The following ATF6 variants were observed in gnomAD, a reference collection of about 807,000 sequenced individuals.
ATF6 encodes activating transcription factor 6.
ATF6 carries 53 observed loss-of-function variants against 83.6 expected under a neutral mutation model. That is an observed-to-expected ratio of 0.63 (90% CI 0.51 to 0.80). The LOEUF is 0.80. Ranked by LOEUF, ATF6 falls within the 30% of genes least tolerant of loss-of-function variation. The pLI, the probability that ATF6 is intolerant of heterozygous loss-of-function variation, is 0.00. For synonymous variants in ATF6, 288 were observed against 285.8 expected (o/e 1.01, Z -0.08); for missense variants, 744 against 797.9 (o/e 0.93, Z 0.81).
Position 161,952,416 on chromosome 1 carries a change from C to T in ATF6, c.1805-6030C>T, listed in dbSNP as rs1457960057. On this transcript the variant is annotated intron_variant, in intron 15 of 15. Coordinates refer to ENST00000367942, the MANE Select transcript of ATF6 (RefSeq NM_007348.4). ...AACTGCAAGCTACTCTCCCATCCCA[C>T]CTCACCCCACACTCAATCCCTAATC... Among the ~76,000 whole-genome samples, 3 of 152,080 alleles carry T rather than the reference C, an allele frequency of 2.0e-5. No individual in the cohort carries two copies. The East Asian group carries it at 5.8e-4, about 29-fold the overall frequency.
chr1:161,880,328 A>ATGTGTGTG (rs138587790), intron 14 of ATF6, among the ~76,000 whole-genome samples: 1 of 147,920 alleles, frequency 6.8e-6, no homozygotes, highest in African/African-American at 2.5e-5. Context: ...TGTGATATGT[A>ATGTGTGTG]TGTGTGTGTG....
chr1:161,806,053 T>C (rs1685272598), intron 7 of ATF6, among the ~76,000 whole-genome samples: 1 of 152,224 alleles, frequency 6.6e-6, no homozygotes, highest in African/African-American at 2.4e-5. Flanking sequence ...GGTAAATCTG[T>C]TTTGTTTAAC....
chr1:161,846,006 G>A (rs574978384), intron 9 of ATF6, among the ~76,000 whole-genome samples: 118 of 152,014 alleles, frequency 7.8e-4, no homozygotes, highest in African/African-American at 2.8e-3. Flanking sequence ...AATTGTGAAA[G>A]GCTAACAATG....
chr1:161,890,631 C>T (rs936933234), intron 14 of ATF6, among the ~76,000 whole-genome samples: 22 of 152,346 alleles, frequency 1.4e-4, no homozygotes, highest in African/African-American at 4.8e-4. Flanking sequence ...GAACTAGATC[C>T]GGCTGGTTCT....
intron 4 of ATF6, among the ~76,000 whole-genome samples, chr1:161,790,170 G>C (rs1265821352): frequency 2.0e-5 from 3 of 151,970 alleles, no homozygotes; most frequent in African/African-American, 7.3e-5. Context: ...TTGTTAAATA[G>C]TTTACTTATT....
At chr1:161,894,380 C>T (rs950874756) in intron 14 of ATF6, among the ~76,000 whole-genome samples, 3 of 151,584 alleles carry the variant, frequency 2.0e-5, no homozygotes, top group African/African-American at 7.3e-5. Context: ...AGTGAAATGT[C>T]TTAAACCACA....
intron 12 of ATF6, among the ~76,000 whole-genome samples, chr1:161,854,822 A>G (rs560849392): frequency 6.6e-6 from 1 of 152,074 alleles, no homozygotes; most frequent in East Asian, 1.9e-4. Context: ...GAGTGAGCCG[A>G]GATCACGCAG....
intron 15 of ATF6, among the ~76,000 whole-genome samples, chr1:161,916,598 A>T (rs1186441793): frequency 2.6e-5 from 4 of 152,162 alleles, no homozygotes; most frequent in Non-Finnish European, 5.9e-5. Context: ...TTTCCCCCAA[A>T]ATATTCTTTA....
At chr1:161,855,262 G>T (rs999089749) in intron 12 of ATF6, among the ~76,000 whole-genome samples, 2 of 152,132 alleles carry the variant, frequency 1.3e-5, no homozygotes, top group African/African-American at 4.8e-5. Context: ...GTCCATACTG[G>T]TGTGGTAGTC....
intron 3 of ATF6, among the ~76,000 whole-genome samples, chr1:161,783,452 T>C (rs889194443): frequency 1.3e-5 from 2 of 152,208 alleles, no homozygotes; most frequent in Non-Finnish European, 2.9e-5. Context: ...AGTACATTTT[T>C]ATAGGATAAA....
chr1:161,829,530 A>T (rs141881399), intron 9 of ATF6, among the ~76,000 whole-genome samples: 5 of 152,318 alleles, frequency 3.3e-5, no homozygotes, highest in African/African-American at 9.6e-5. Flanking sequence ...AATATCCCTG[A>T]TGAACATCGA....
Position 161,831,244 on chromosome 1 carries a change from G to C in ATF6, c.1187+10083G>C, listed in dbSNP as rs144156667. Among the ~76,000 whole-genome samples, 423 of 152,326 alleles carry C rather than the reference G, an allele frequency of 2.8e-3. 3 individuals carry two copies. Among genetic ancestry groups the C allele is most frequent in the African/African-American group, 9.5e-3 (395 of 41,562 alleles). On this transcript the variant is annotated intron_variant, in intron 9 of 15. Coordinates refer to ENST00000367942, the MANE Select transcript of ATF6 (RefSeq NM_007348.4). ...GAAATGCAAATCAAAACCACAATGA[G>C]ATACCATCTCACACCAGTTAAAATG...
intron 12 of ATF6, among the ~76,000 whole-genome samples, chr1:161,857,206 C>T (rs776099767): frequency 1.5e-4 from 23 of 152,090 alleles, no homozygotes; most frequent in Non-Finnish European, 2.9e-4. Context: ...TTTTTTCTTC[C>T]GGTTACCTCT....
intron 7 of ATF6, among the ~76,000 whole-genome samples, chr1:161,809,297 G>A (rs953761999): frequency 1.3e-5 from 2 of 151,870 alleles, no homozygotes; most frequent in Non-Finnish European, 2.9e-5. Flanking sequence ...ATGTGTGTTC[G>A]GTTTTTTGTC....
intron 14 of ATF6, among the ~76,000 whole-genome samples, chr1:161,869,488 A>T (rs952758327): frequency 6.6e-6 from 1 of 151,916 alleles, no homozygotes; most frequent in African/African-American, 2.4e-5. Context: ...CCATTTTCTT[A>T]TCTCCACTTT....
chr1:161,886,678 G>A (rs768110491), intron 14 of ATF6, among the ~76,000 whole-genome samples: 2 of 152,104 alleles, frequency 1.3e-5, no homozygotes, highest in Non-Finnish European at 2.9e-5. Flanking sequence ...TAGTACATGC[G>A]GTCCATTGTT....
intron 15 of ATF6, among the ~76,000 whole-genome samples, chr1:161,953,939 A>G (rs1052380392): frequency 6.6e-6 from 1 of 152,200 alleles, no homozygotes. Flanking sequence ...GTTATAAGGG[A>G]AAAGATCAAT....
intron 15 of ATF6, among the ~76,000 whole-genome samples, chr1:161,924,083 T>C (rs1033350957): frequency 1.3e-5 from 2 of 152,224 alleles, no homozygotes; most frequent in African/African-American, 4.8e-5. Flanking sequence ...TGTCAGAAGA[T>C]GAGCCACTTC....
intron 7 of ATF6, among the ~76,000 whole-genome samples, chr1:161,817,976 C>T (rs372252851): frequency 1.3e-4 from 19 of 151,870 alleles, no homozygotes; most frequent in African/African-American, 4.6e-4. Context: ...TGGTGGGCAC[C>T]TGTAGTCCCA....
Sources: gnomAD v4.1 joint callset for allele counts (sites outside exome capture counted in the v4.1 genomes callset) on GRCh38, gnomAD v4.1.1 for gene constraint, MANE v1.5 for transcripts, NCBI Gene and HGNC (gene_info 2026-07-23, HGNC 2026-07-21) for gene names.